Variants in C4orf50 observed in about 807,000 individuals in gnomAD.
The protein encoded by C4orf50 is chromosome 4 open reading frame 50.
Under a neutral mutation model 77.2 loss-of-function variants are expected in C4orf50, and 80 were observed. The ratio of observed to expected loss-of-function variants is 1.04; its 90% CI spans 0.87 to 1.25. The LOEUF (loss-of-function observed/expected upper bound fraction) is 1.25, where lower values mean the gene tolerates loss of function less well. Ranked by LOEUF, C4orf50 falls within the 50% of genes most tolerant of loss-of-function variation. The pLI is 0.00. For synonymous variants in C4orf50, 532 were observed against 465.3 expected (o/e 1.14, Z -1.84); for missense variants, 1,257 against 1,152.9 (o/e 1.09, Z -1.31).
intron 29 of C4orf50, 149 bp downstream of exon 7, chr4:5,980,025 T>TC: frequency 2.1e-6 from 1 of 486,850 alleles, no homozygotes; most frequent in South Asian, 6.6e-5. Context: ...GTTTTTTTTT[T>TC]CCTGGTACTG....
chr4:5,906,870 T>C (rs139850557), intron 7 of C4orf50, among the ~76,000 whole-genome samples: 1 of 152,194 alleles, frequency 6.6e-6, no homozygotes, highest in Non-Finnish European at 1.5e-5. Context: ...CAGATTTAAA[T>C]CCTTGAAGCT....
intron 23 of C4orf50, among the ~76,000 whole-genome samples, chr4:6,012,978 C>A (rs531306452): frequency 2.7e-4 from 41 of 152,360 alleles, no homozygotes; most frequent in African/African-American, 9.1e-4. Flanking sequence ...ACATCCAGGA[C>A]AGATACTGAT....
At chr4:5,981,045 G>C (rs936640890) in intron 28 of C4orf50, among the ~76,000 whole-genome samples, 2 of 152,150 alleles carry the variant, frequency 1.3e-5, no homozygotes, top group African/African-American at 4.8e-5. Context: ...TGGTTTTGAA[G>C]TCTAAATTCT....
rs368106002 is a variant in C4orf50, at chr4:5,905,612, T to G, written c.*2475-7424A>C. Among the ~76,000 whole-genome samples, 1 of 152,332 alleles carries G rather than the reference T, an allele frequency of 6.6e-6. No individual in the cohort carries two copies. The highest frequency in any genetic ancestry group is 2.1e-4 in the South Asian group (1 of 4,828). On this transcript the variant is annotated intron_variant, in intron 7 of 7. Transcript: ENST00000324058. This position sits in a 1 kb window ranked among gnomAD's most constrained non-coding sequence, Gnocchi z 5.4. ...TATCATGGAGTATCTATCATACAAT[T>G]ATCAGCTTGCTTTCCAGGAAAGAAT...
chr4:5,937,323 T>C (rs1262971829), intron 7 of C4orf50, among the ~76,000 whole-genome samples: 2 of 152,150 alleles, frequency 1.3e-5, no homozygotes, highest in Non-Finnish European at 1.5e-5. Context: ...CTTAGGATTC[T>C]CTGTGCGTGA....
chr4:5,917,406 CTTTTTTTTT>C (rs34928524), intron 7 of C4orf50, among the ~76,000 whole-genome samples: 63 of 86,416 alleles, frequency 7.3e-4, no homozygotes, highest in South Asian at 1.2e-3. Context: ...TCCTGTATTT[CTTTTTTTTT>C]TTTTTTTTTT....
At chr4:5,906,490 A>AGAGC (rs1716556251) in intron 7 of C4orf50, among the ~76,000 whole-genome samples, 1 of 152,194 alleles carries the variant, frequency 6.6e-6, no homozygotes, top group Non-Finnish European at 1.5e-5. Flanking sequence ...TTTGCCAAGA[A>AGAGC]GAGCCTTCAT....
At chr4:5,924,901 C>T (rs893142149) in intron 7 of C4orf50, among the ~76,000 whole-genome samples, 4 of 152,100 alleles carry the variant, frequency 2.6e-5, no homozygotes, top group Admixed American at 1.3e-4. Context: ...TCCCAGTGGC[C>T]GCCAGGTGCC....
chr4:6,004,200 A>T (rs1722067440), intron 25 of C4orf50, among the ~76,000 whole-genome samples: 1 of 107,292 alleles, frequency 9.3e-6, no homozygotes, highest in African/African-American at 3.3e-5. Flanking sequence ...GATGATGGTG[A>T]TGGTGATGAT....
intron 28 of C4orf50, among the ~76,000 whole-genome samples, chr4:5,981,834 T>C (rs201415773): frequency 2.0e-5 from 3 of 150,026 alleles, no homozygotes; most frequent in Admixed American, 1.3e-4. Flanking sequence ...TCCCTTCCCC[T>C]TGTGATGGCA....
rs1281489614 is a variant in C4orf50 at position 6,018,046 on chromosome 4, C to T, written c.287+99G>A. ...TTACGTGTCTTTGGTGAGCCAGTTT[C>T]CCCAGCTGTGTGGTGTGATTCAACA... On this transcript the variant is annotated intron_variant, in intron 23 of 33. Transcript: ENST00000531445. The surrounding 1 kb of genome is among the most constrained non-coding windows in gnomAD (Gnocchi z 5.1). The T allele has an allele frequency of 1.3e-5, 5 of 397,572 alleles. No individual in the cohort carries two copies. The East Asian group carries it at 1.8e-4, about 14-fold the overall frequency. 24.6% of individuals were successfully genotyped at this position (397,572 alleles called of 1,614,324 possible).
At chr4:5,942,967 C>T (rs191166125) in intron 7 of C4orf50, among the ~76,000 whole-genome samples, 1 of 152,126 alleles carries the variant, frequency 6.6e-6, no homozygotes, top group Non-Finnish European at 1.5e-5. Context: ...TCCAAATTCA[C>T]TCAAATACGT....
intron 7 of C4orf50, among the ~76,000 whole-genome samples, chr4:5,935,875 G>A (rs924341936): frequency 1.4e-5 from 2 of 147,422 alleles, no homozygotes; most frequent in African/African-American, 2.5e-5. Context: ...GACATAAGAT[G>A]TATTTGTCAG....
chr4:5,915,935 C>T (rs1020256363), intron 7 of C4orf50, among the ~76,000 whole-genome samples: 2 of 152,168 alleles, frequency 1.3e-5, no homozygotes, highest in African/African-American at 4.8e-5. Context: ...TACCTAGAAC[C>T]ATAGATTTCA....
chr4:5,926,579 G>T (rs926288670), intron 7 of C4orf50, among the ~76,000 whole-genome samples: 1 of 152,236 alleles, frequency 6.6e-6, no homozygotes, highest in East Asian at 1.9e-4. Context: ...GCACTTTAAC[G>T]TGGCTCAAAT....
chr4:5,965,088 G>C lies in C4orf50; in HGVS notation c.4211C>G (p.Ser1404Ter), dbSNP rs758761959. The C allele has an allele frequency of 6.2e-7, 1 of 1,613,736 alleles. No individual in the cohort carries two copies. Residue 1404 changes from serine (S) to a stop codon, truncating the protein, a stop_gained, in exon 33 of 34, where the codon TCA becomes TGA. Coordinates refer to ENST00000531445, the Ensembl canonical transcript of C4orf50. LOFTEE classifies it high-confidence loss of function. ...CGGCTCGGGAATAGGCCAGGACTCT[G>C]AAGACAATGAGCTTTGGAGGACACT...
exon 28 of C4orf50, chr4:5,988,742 C>T: frequency 1.3e-6 from 2 of 1,536,114 alleles, no homozygotes; most frequent in South Asian, 1.2e-5. Context: ...AAGGTGACTT[C>T]CCTCTCCAGG....
intron 7 of C4orf50, among the ~76,000 whole-genome samples, chr4:5,910,013 T>C (rs1414045989): frequency 6.6e-6 from 1 of 152,212 alleles, no homozygotes; most frequent in Non-Finnish European, 1.5e-5. Flanking sequence ...ATGTGAATTC[T>C]AGAATTTTTT....
At chr4:5,950,318 G>A (rs904031465) in intron 7 of C4orf50, among the ~76,000 whole-genome samples, 7 of 152,166 alleles carry the variant, frequency 4.6e-5, no homozygotes, top group South Asian at 2.1e-4. Flanking sequence ...AGCTGGTATC[G>A]TGACTGTTTA....
Sources: allele counts gnomAD v4.1 joint callset (sites outside exome capture counted in the v4.1 genomes callset), GRCh38; gene constraint gnomAD v4.1.1; non-coding constraint Gnocchi (gnomAD v3.1); transcripts MANE v1.5; gene names NCBI Gene and HGNC (gene_info 2026-07-23, HGNC 2026-07-21).